The following LOC128462377 variants were observed in gnomAD, a reference collection of about 807,000 sequenced individuals.
At chr16:89,368,133 A>C in the LOC128462377 span, among the ~76,000 whole-genome samples, 2 of 152,242 alleles carry the variant, frequency 1.3e-5, no homozygotes, top group Non-Finnish European at 2.9e-5. Context: ...GGTTTAAAAA[A>C]TAAGTCCTAC....
At chr16:89,317,690 G>A in the LOC128462377 span, among the ~76,000 whole-genome samples, 58 of 152,270 alleles carry the variant, frequency 3.8e-4, no homozygotes, top group African/African-American at 1.4e-3. Context: ...ACGCCCCCTC[G>A]GGCCTCAGGC....
the LOC128462377 span, among the ~76,000 whole-genome samples, chr16:89,354,257 A>G: frequency 6.6e-6 from 1 of 152,088 alleles, no homozygotes; most frequent in Admixed American, 6.5e-5. Flanking sequence ...AAAAAAAAAA[A>G]AAAGAAAACT....
chr16:89,373,746 C>A, the LOC128462377 span, among the ~76,000 whole-genome samples: 1 of 152,234 alleles, frequency 6.6e-6, no homozygotes, highest in East Asian at 1.9e-4. Context: ...CACACGACAC[C>A]CCTCCCACAC....
chr16:89,399,197 C>G, the LOC128462377 span, among the ~76,000 whole-genome samples: 2 of 152,140 alleles, frequency 1.3e-5, no homozygotes, highest in African/African-American at 4.8e-5. Flanking sequence ...AAGTCAGAGG[C>G]AGAACCGAGT....
chr16:89,389,834 C>G, the LOC128462377 span, among the ~76,000 whole-genome samples: 1 of 124,262 alleles, frequency 8.0e-6, no homozygotes, highest in Non-Finnish European at 1.6e-5. Context: ...GGGCAAACAC[C>G]GAGTGTGGCG....
chr16:89,334,801 G>C, the LOC128462377 span, among the ~76,000 whole-genome samples: 2 of 152,166 alleles, frequency 1.3e-5, no homozygotes, highest in Non-Finnish European at 2.9e-5. Context: ...ACCAGCAGAA[G>C]AGCAAATGAG....
the LOC128462377 span, among the ~76,000 whole-genome samples, chr16:89,385,484 G>A: frequency 5.3e-5 from 8 of 151,956 alleles, no homozygotes; most frequent in Non-Finnish European, 1.0e-4. Context: ...AGCCAGCACC[G>A]GGCAGAGGGA....
the LOC128462377 span, among the ~76,000 whole-genome samples, chr16:89,407,917 C>CA: frequency 6.6e-6 from 1 of 150,848 alleles, no homozygotes. Context: ...TAGTAAAACT[C>CA]AGTCTTCCAT....
the LOC128462377 span, among the ~76,000 whole-genome samples, chr16:89,360,264 T>C: frequency 5.2e-3 from 797 of 152,302 alleles, 9 homozygotes; most frequent in African/African-American, 0.018. Context: ...TATGTTATCT[T>C]ATCTTATTTT....
the LOC128462377 span, among the ~76,000 whole-genome samples, chr16:89,387,566 G>A: frequency 2.6e-5 from 4 of 151,064 alleles, no homozygotes; most frequent in East Asian, 2.0e-4. Flanking sequence ...CCAGCTACTC[G>A]GGAGACTGAG....
At chr16:89,330,994 C>T in the LOC128462377 span, among the ~76,000 whole-genome samples, 1 of 152,228 alleles carries the variant, frequency 6.6e-6, no homozygotes, top group African/African-American at 2.4e-5. Flanking sequence ...CACTTTGTCG[C>T]CCAGGCTGGA....
chr16:89,341,947 G>A, the LOC128462377 span, among the ~76,000 whole-genome samples: 10 of 125,346 alleles, frequency 8.0e-5, no homozygotes, highest in Non-Finnish European at 1.6e-4. Context: ...CCTCCTCCAC[G>A]AACAGCAGCC....
chr16:89,328,259 G>A, the LOC128462377 span, among the ~76,000 whole-genome samples: 12 of 152,184 alleles, frequency 7.9e-5, no homozygotes, highest in Non-Finnish European at 1.5e-4. Flanking sequence ...AACGCAAAGT[G>A]GTGTTGCTGC....
chr16:89,349,134 T>TAAAAAAAAAAAAAAAAAAAAAAAAAAAAA, the LOC128462377 span, among the ~76,000 whole-genome samples: 4 of 16,576 alleles, frequency 2.4e-4, 1 homozygote, highest in East Asian at 4.7e-3. Flanking sequence ...TCTCAAAAAG[T>TAAAAAAAAAAAAAAAAAAAAAAAAAAAAA]AAAAAAAAAA....
chr16:89,364,315 C>T, the LOC128462377 span, among the ~76,000 whole-genome samples: 1 of 152,170 alleles, frequency 6.6e-6, no homozygotes, highest in Non-Finnish European at 1.5e-5. Context: ...AGCAGAAAAC[C>T]ACCAGGCAAC....
At chr16:89,326,741 G>GA in the LOC128462377 span, among the ~76,000 whole-genome samples, 1 of 152,014 alleles carries the variant, frequency 6.6e-6, no homozygotes, top group Non-Finnish European at 1.5e-5. Context: ...GACCCTGTGT[G>GA]AAAAAAACCC....
chr16:89,341,716 C>G, the LOC128462377 span, among the ~76,000 whole-genome samples: 4 of 152,226 alleles, frequency 2.6e-5, no homozygotes, highest in African/African-American at 4.8e-5. Flanking sequence ...AATGATATAC[C>G]TACAAAAGCA....
the LOC128462377 span, among the ~76,000 whole-genome samples, chr16:89,359,476 C>A: frequency 6.6e-6 from 1 of 152,350 alleles, no homozygotes; most frequent in South Asian, 2.1e-4. Flanking sequence ...CCTCGGCCCC[C>A]ACTGCTTCGG....
At chr16:89,410,393 G>A in the LOC128462377 span, among the ~76,000 whole-genome samples, 116 of 152,346 alleles carry the variant, frequency 7.6e-4, no homozygotes, top group African/African-American at 2.7e-3. Context: ...CCAAGGAAAT[G>A]GAGATAATAA....
Sources: gnomAD v4.1 joint callset for allele counts (sites outside exome capture counted in the v4.1 genomes callset) on GRCh38, gnomAD v4.1.1 for gene constraint, MANE v1.5 for transcripts.